Variants in ZNF445 observed in about 807,000 individuals in gnomAD.
ZNF445 encodes the protein zinc finger protein 168.
In ZNF445, 19 loss-of-function variants were observed where a neutral mutation model predicts 93.9. The ratio of observed to expected loss-of-function variants is 0.20; its 90% confidence interval spans 0.14 to 0.30. The LOEUF (loss-of-function observed/expected upper bound fraction) is 0.30. Ranked by LOEUF, ZNF445 falls within the 10% of genes least tolerant of loss-of-function variation. ZNF445 has a pLI of 1.00. For synonymous variants in ZNF445, 449 were observed against 446.3 expected, an observed-to-expected ratio of 1.01 and a Z score of -0.08; for missense variants, 1,058 against 1,259.4, an observed-to-expected ratio of 0.84 and a Z score of 2.42.
In ZNF445 at chr3:44,444,746, A is replaced by G. The variant is rs771463026; in HGVS notation, c.*1829T>C. ...ACCACCACACAATATCAGAGCCTTCATTTTCACCTGCTCATGGCAATCCAG... is the reference window on the plus strand; with the variant it reads ...ACCACCACACAATATCAGAGCCTTCGTTTTCACCTGCTCATGGCAATCCAG... On this transcript the variant is annotated 3_prime_UTR_variant, in exon 8 of 8. Coordinates refer to ENST00000396077, the MANE Select transcript of ZNF445 (RefSeq NM_181489.6). 1.3e-5 allele frequency: 2 copies of G among 151,522 alleles called. No individual in the cohort carries two copies. The highest frequency in any genetic ancestry group is 2.9e-5 in the Non-Finnish European group (2 of 67,972). 9.4% of individuals were successfully genotyped at this position (151,522 alleles called of 1,614,324 possible).
Position 44,448,138 on chromosome 3 carries a change from T to C in ZNF445, c.1533A>G (p.Lys511=). ...TCCCACACACCCTACATTTAAATGC[T>C]TTCTCTTGAGTGTGAAGTCTCTGAT... is the stretch of plus-strand genomic sequence containing the variant. ...AYHQRLHTQE[K]AFKCRVCGKA... Residue 511 remains lysine (K), a synonymous_variant, in exon 8 of 8, where the codon AAA becomes AAG. Coordinates refer to ENST00000396077, the MANE Select transcript of ZNF445 (RefSeq NM_181489.6). 1.9e-6 allele frequency: 3 copies of C among 1,614,186 alleles called. No individual in the cohort carries two copies. The highest frequency in any genetic ancestry group is 2.5e-6 in the Non-Finnish European group (3 of 1,180,036).
chr3:44,446,768 A>G lies in ZNF445; in HGVS notation c.2903T>C (p.Leu968Pro). ...ACSQSSRLTG[L>P]QDISIGKKCH... The stretch of plus-strand genomic sequence containing the variant: ...CTTTTTCCCAATGCTTATGTCCTGG[A>G]GTCCAGTGAGCCTGGAGCTCTGGCT... The change falls in exon 8 of 8, where the codon CTC (leucine) becomes CCC (proline). Residue 968 changes from leucine (L) to proline (P), a missense_variant. This residue lies in a region of ZNF445 where 387 missense variants were observed against 475.7 expected (regional missense o/e 0.81). Transcript: ENST00000396077. The surrounding 1 kb of genome is among the most constrained non-coding windows in gnomAD (Gnocchi z 4.2). 1.9e-6 allele frequency: 3 copies of G among 1,614,162 alleles called. No individual in the cohort carries two copies. The highest frequency in any genetic ancestry group is 2.5e-6 in the Non-Finnish European group (3 of 1,180,022).
chr3:44,461,209 G>A (rs920176510), intron 1 of ZNF445, among the ~76,000 whole-genome samples: 9 of 152,078 alleles, frequency 5.9e-5, no homozygotes, highest in African/African-American at 1.4e-4. Context: ...GCCCCATTAC[G>A]GGGTGTCTGT....
intron 1 of ZNF445, among the ~76,000 whole-genome samples, chr3:44,459,376 T>G: frequency 6.6e-6 from 1 of 152,244 alleles, no homozygotes; most frequent in Non-Finnish European, 1.5e-5. Flanking sequence ...AAGATAAACA[T>G]AAGACATAAT....
rs1264626298 is a variant in ZNF445 at position 44,436,639 on chromosome 3, A to G, written c.*9936T>C. ...CTCATTCAGTGCAGGTTATGTTTGC[A>G]TTCGTGTTTTTTTTTTCTTTTGGAG... On this transcript the variant is annotated 3_prime_UTR_variant, in exon 8 of 8. Coordinates refer to ENST00000396077, the MANE Select transcript of ZNF445 (RefSeq NM_181489.6). 1 of 151,594 alleles carries G rather than the reference A, an allele frequency of 6.6e-6. No homozygotes were observed. Among genetic ancestry groups the G allele is most frequent in the Non-Finnish European group, 1.5e-5 (1 of 67,918 alleles). 9.4% of individuals were successfully genotyped at this position (151,594 alleles called of 1,614,324 possible).
Position 44,450,877 on chromosome 3 carries a change from G to A in ZNF445, c.684C>T (p.Ala228=), listed in dbSNP as rs1183950002. Residue 228 remains alanine, a synonymous_variant, in exon 5 of 8, where the codon GCC becomes GCT. Transcript: ENST00000396077. Reference sequence around the variant, plus strand: ...ATGTTCTGTGGCTCACCTGGAGCTGGGCTGTCAGGGACCTGGTTGGTGTTA... The same window carrying A: ...ATGTTCTGTGGCTCACCTGGAGCTGAGCTGTCAGGGACCTGGTTGGTGTTA... ...DQVTPTRSLT[A]QLQETMTFKD... is the part of the protein sequence containing the mutation. The A allele has an allele frequency of 1.9e-6, 3 of 1,579,910 alleles. No individual in the cohort carries two copies. Among genetic ancestry groups the A allele is most frequent in the East Asian group, 4.6e-5 (2 of 43,546 alleles).
Position 44,447,740 on chromosome 3 carries a change from A to G in ZNF445, c.1931T>C (p.Met644Thr), listed in dbSNP as rs1181488599. 2 of 1,614,198 alleles carry G rather than the reference A, an allele frequency of 1.2e-6. No individual in the cohort carries two copies. The highest frequency in any genetic ancestry group is 1.7e-5 in the Admixed American group (1 of 60,020). ...FRWRSNFTRHMRLHEEEKFYK... is the reference protein window; with the variant it reads ...FRWRSNFTRHTRLHEEEKFYK... ...GAATTTTTCCTCCTCATGCAACCTCATATGACGAGTAAAGTTTGATCTCCA... is the reference window on the plus strand; with the variant it reads ...GAATTTTTCCTCCTCATGCAACCTCGTATGACGAGTAAAGTTTGATCTCCA... The change falls in exon 8 of 8, where the codon ATG becomes ACG. Residue 644 changes from methionine to threonine, a missense_variant. Around this residue, in one of 3 missense-constraint regions of ZNF445, gnomAD observed 387 missense variants for 475.7 expected, o/e 0.81. Coordinates refer to ENST00000396077, the MANE Select transcript of ZNF445 (RefSeq NM_181489.6). The surrounding 1 kb of genome is among the most constrained non-coding windows in gnomAD (Gnocchi z 4.7).
In ZNF445 at chr3:44,444,496, C is replaced by T. The variant is rs1280069122; in HGVS notation, c.*2079G>A. ...GGCACACCATGCCTGGAACCCAGAT[C>T]TGATGACTCCAAGACCCTTCCTATG... On this transcript the variant is annotated 3_prime_UTR_variant, in exon 8 of 8. Transcript: ENST00000396077. 6.6e-6 allele frequency: 1 copy of T among 152,352 alleles called. No individual in the cohort carries two copies. The highest frequency in any genetic ancestry group is 1.9e-4 in the East Asian group (1 of 5,204). 9.4% of individuals were successfully genotyped at this position (152,352 alleles called of 1,614,324 possible).
chr3:44,463,466 T>C (rs971133970), intron 1 of ZNF445, among the ~76,000 whole-genome samples: 5 of 152,188 alleles, frequency 3.3e-5, no homozygotes, highest in Admixed American at 6.5e-5. Flanking sequence ...ACCACCTCTG[T>C]TTTCCTCATG....
chr3:44,454,662 A>G (rs1043949390), intron 3 of ZNF445, among the ~76,000 whole-genome samples: 2 of 152,146 alleles, frequency 1.3e-5, no homozygotes, highest in Admixed American at 6.5e-5. Context: ...CCTGCACTCA[A>G]GCAATCCGCC....
In ZNF445 at chr3:44,439,026, G is replaced by C. The variant is rs1697754637; in HGVS notation, c.*7549C>G. 1 of 143,852 alleles carries C rather than the reference G, an allele frequency of 7.0e-6. No homozygotes were observed. Among genetic ancestry groups the C allele is most frequent in the Non-Finnish European group, 1.5e-5 (1 of 65,794 alleles). 8.9% of individuals were successfully genotyped at this position (143,852 alleles called of 1,614,324 possible). ...AAAAGTATAAAAAAAAAAAAAACAAGGACTCCAGGCATGGTGGCTCACACC... is the reference window on the plus strand; with the variant it reads ...AAAAGTATAAAAAAAAAAAAAACAACGACTCCAGGCATGGTGGCTCACACC... On this transcript the variant is annotated 3_prime_UTR_variant, in exon 8 of 8. Coordinates refer to ENST00000396077, the MANE Select transcript of ZNF445 (RefSeq NM_181489.6).
Position 44,445,333 on chromosome 3 carries a change from G to A in ZNF445, c.*1242C>T, listed in dbSNP as rs1366198907. On this transcript the variant is annotated 3_prime_UTR_variant, in exon 8 of 8. Coordinates refer to ENST00000396077, the MANE Select transcript of ZNF445 (RefSeq NM_181489.6). ...ATGAGAAGCCTTTCACCCTTTTACTGAGTCCTTGGATCTGTGGTTAACCCT... is the reference window on the plus strand; with the variant it reads ...ATGAGAAGCCTTTCACCCTTTTACTAAGTCCTTGGATCTGTGGTTAACCCT... The A allele has an allele frequency of 6.6e-6, 1 of 152,206 alleles. No individual in the cohort carries two copies. The highest frequency in any genetic ancestry group is 1.5e-5 in the Non-Finnish European group (1 of 68,052). 9.4% of individuals were successfully genotyped at this position (152,206 alleles called of 1,614,324 possible).
At chr3:44,458,874 A>G (rs1193068706) in intron 1 of ZNF445, among the ~76,000 whole-genome samples, 1 of 152,196 alleles carries the variant, frequency 6.6e-6, no homozygotes, top group Admixed American at 6.5e-5. Flanking sequence ...GTAAGCAGAA[A>G]TGCTGCGGAG....
chr3:44,446,686 G>A lies in ZNF445; in HGVS notation c.2985C>T (p.Ser995=). 6.2e-7 allele frequency: 1 copy of A among 1,614,180 alleles called. No homozygotes were observed. The highest frequency in any genetic ancestry group is 2.2e-5 in the East Asian group (1 of 44,882). The change falls in exon 8 of 8, where the codon AGC becomes AGT. Residue 995 remains serine (S), a synonymous_variant. Transcript: ENST00000396077. The surrounding 1 kb of genome is among the most constrained non-coding windows in gnomAD (Gnocchi z 4.2). Reference sequence around the variant, plus strand: ...TCTCTCGAGTATGAAATCTCTTGTGGCTAATGAGTTGTGAACTCTTGTTAA... The same window carrying A: ...TCTCTCGAGTATGAAATCTCTTGTGACTAATGAGTTGTGAACTCTTGTTAA... The part of the protein sequence containing the change: ...KTFNKSSQLI[S]HKRFHTRERP...
intron 1 of ZNF445, among the ~76,000 whole-genome samples, chr3:44,473,828 T>C (rs747801596): frequency 1.3e-5 from 2 of 149,112 alleles, no homozygotes; most frequent in African/African-American, 2.5e-5. Context: ...TACTGCATTC[T>C]AGTGCAAAGA....
At chr3:44,467,626 T>TA (rs1337452286) in intron 1 of ZNF445, among the ~76,000 whole-genome samples, 1 of 152,246 alleles carries the variant, frequency 6.6e-6, no homozygotes, top group East Asian at 1.9e-4. Flanking sequence ...TAAAAAGTCT[T>TA]ATCTGAGATT....
Position 44,446,338 on chromosome 3 carries a change from T to C in ZNF445, c.*237A>G. 2 of 554,554 alleles carry C rather than the reference T, an allele frequency of 3.6e-6. No individual in the cohort carries two copies. Among genetic ancestry groups the C allele is most frequent in the South Asian group, 2.2e-5 (1 of 46,308 alleles). The allele number at this position is 554,554 out of a possible 1,614,324, so 34.4% of individuals were successfully genotyped here. ...CAGGCTATGGTGCAGAGGCCACTCC[T>C]AGGGGCCGGAGTCTCCAGAAGGGCT... is the stretch of plus-strand genomic sequence containing the variant. On this transcript the variant is annotated 3_prime_UTR_variant, in exon 8 of 8. Transcript: ENST00000396077. The surrounding 1 kb of genome is among the most constrained non-coding windows in gnomAD (Gnocchi z 4.2).
At chr3:44,449,413 C>A in intron 7 of ZNF445, 100 bp downstream of exon 7, 1 of 1,010,414 alleles carries the variant, frequency 9.9e-7, no homozygotes, top group Non-Finnish European at 1.5e-6. Context: ...ATCTTCCTTC[C>A]AGCAAACAAT....
chr3:44,477,033 G>A (rs1212648443), intron 1 of ZNF445, among the ~76,000 whole-genome samples: 1 of 152,168 alleles, frequency 6.6e-6, no homozygotes, highest in Non-Finnish European at 1.5e-5. Flanking sequence ...TATACTTAAT[G>A]TCACTGAATT....
Sources: gnomAD v4.1 joint callset for allele counts (sites outside exome capture counted in the v4.1 genomes callset) on GRCh38, gnomAD v4.1.1 for gene constraint, gnomAD v4.1.1 regional missense constraint, Gnocchi (gnomAD v3.1) non-coding constraint, MANE v1.5 for transcripts, NCBI Gene and HGNC (gene_info 2026-07-23, HGNC 2026-07-21) for gene names.